The following MIA2 variants were observed in gnomAD, a reference collection of about 807,000 sequenced individuals.
MIA2 encodes MIA SH3 domain ER export factor 2, also known as melanoma inhibitory activity protein 2.
MIA2 carries 127 observed loss-of-function variants against 167.8 expected under a neutral mutation model. That is an observed-to-expected ratio of 0.76 (90% CI 0.66 to 0.88). The LOEUF is 0.88. Ranked by LOEUF, MIA2 falls within the 40% of genes least tolerant of loss-of-function variation. MIA2 has a pLI of 0.00. For missense variants in MIA2, 1,690 were observed against 1,624.7 expected (o/e 1.04, Z -0.69); for synonymous variants, 552 against 541.9 (o/e 1.02, Z -0.26).
At chr14:39,339,964 G>A (rs1013380915) in intron 25 of MIA2, among the ~76,000 whole-genome samples, 1 of 152,066 alleles carries the variant, frequency 6.6e-6, no homozygotes, top group African/African-American at 2.4e-5. Flanking sequence ...TCCTGCTTTA[G>A]CCTCCCAAGT....
intron 17 of MIA2, among the ~76,000 whole-genome samples, chr14:39,306,152 C>T (rs774519892): frequency 6.6e-6 from 1 of 151,634 alleles, no homozygotes; most frequent in Admixed American, 6.6e-5. Context: ...AAGATAGTTA[C>T]GTACAATTTC....
intron 14 of MIA2, among the ~76,000 whole-genome samples, chr14:39,301,039 TACACACACAC>T (rs58641218): frequency 0.29 from 41,955 of 144,906 alleles, 6,196 homozygotes; most frequent in East Asian, 0.43. Flanking sequence ...TACATATACA[TACACACACAC>T]ACACACACAC....
intron 23 of MIA2, among the ~76,000 whole-genome samples, chr14:39,367,537 T>G (rs904132390): frequency 6.6e-6 from 1 of 152,204 alleles, no homozygotes; most frequent in Non-Finnish European, 1.5e-5. Context: ...TGCAGGAGTT[T>G]GCAGTGGGAA....
chr14:39,303,242 G>T (rs528524590), intron 15 of MIA2, among the ~76,000 whole-genome samples: 2 of 152,086 alleles, frequency 1.3e-5, no homozygotes, highest in Non-Finnish European at 2.9e-5. Context: ...TTATAACTCT[G>T]TTCTTGGAGT....
chr14:39,345,944 A>C lies in MIA2; in HGVS notation c.3696A>C (p.Gln1232His). ...ATTCAGCCCTTCCTCCACAAAGGCA[A>C]GACAGATTTTGTTCTAATTCTGGTA... ...YPDSALPPQR[Q>H]DRFCSNSGRL... The change falls in exon 26 of 29, where the codon CAA becomes CAC. Residue 1232 changes from glutamine (Q) to histidine (H), a missense_variant. Coordinates refer to ENST00000640607, the MANE Select transcript of MIA2 (RefSeq NM_001329214.4). 1.2e-6 allele frequency: 2 copies of C among 1,612,366 alleles called. No homozygotes were observed. The highest frequency in any genetic ancestry group is 1.7e-6 in the Non-Finnish European group (2 of 1,179,170).
chr14:39,235,186 C>T (rs2053675922), intron 1 of MIA2, among the ~76,000 whole-genome samples: 1 of 151,944 alleles, frequency 6.6e-6, no homozygotes, highest in African/African-American at 2.4e-5. Context: ...TAGGCGCACG[C>T]CACCACACCT....
In MIA2 at chr14:39,247,216, C is replaced by G. The variant is rs150761357; in HGVS notation, c.642C>G (p.Val214=). ...MEQDRIPEVH[V]PPSSAVSGVK... is the part of the protein sequence containing the mutation. Reference sequence around the variant, plus strand: ...AGGATCGTATTCCAGAAGTGCATGTCCCACCATCTTCAGCTGTGTCTGGAG... The same window carrying G: ...AGGATCGTATTCCAGAAGTGCATGTGCCACCATCTTCAGCTGTGTCTGGAG... The change falls in exon 4 of 29, where the codon GTC becomes GTG. Residue 214 remains valine, a synonymous_variant. Coordinates refer to ENST00000640607, the MANE Select transcript of MIA2 (RefSeq NM_001329214.4). 1 of 1,613,966 alleles carries G rather than the reference C, an allele frequency of 6.2e-7. No homozygotes were observed. The highest frequency in any genetic ancestry group is 8.5e-7 in the Non-Finnish European group (1 of 1,180,034).
chr14:39,360,036 A>G (rs910944938), intron 23 of MIA2, among the ~76,000 whole-genome samples: 2 of 145,516 alleles, frequency 1.4e-5, no homozygotes, highest in East Asian at 2.0e-4. Context: ...CATTCTGGCC[A>G]GACGCAGTGG....
chr14:39,298,542 T>TTG (rs2061854102), intron 13 of MIA2, among the ~76,000 whole-genome samples: 1 of 97,004 alleles, frequency 1.0e-5, no homozygotes, highest in Non-Finnish European at 2.0e-5. Context: ...TTTTTTTTTT[T>TTG]TTTTTTTTTT....
chr14:39,266,982 C>A, intron 6 of MIA2: 1 of 764,256 alleles, frequency 1.3e-6, no homozygotes, highest in Non-Finnish European at 1.6e-6. Flanking sequence ...AGTATGAGGC[C>A]GAATCTCATC....
intron 23 of MIA2, among the ~76,000 whole-genome samples, chr14:39,369,824 A>ATTTTGTTTTG (rs901558943): frequency 1.3e-5 from 2 of 148,532 alleles, no homozygotes; most frequent in Admixed American, 1.3e-4. Flanking sequence ...ACTGAGCATT[A>ATTTTGTTTTG]TTTTGTTTTG....
chr14:39,284,727 A>G (rs1373439960), intron 9 of MIA2, among the ~76,000 whole-genome samples: 2 of 151,240 alleles, frequency 1.3e-5, no homozygotes, highest in Non-Finnish European at 3.0e-5. Context: ...TGCTATGTAA[A>G]TAGGATTGTT....
At chr14:39,329,366 G>A (rs2068282090) in intron 25 of MIA2, among the ~76,000 whole-genome samples, 1 of 152,152 alleles carries the variant, frequency 6.6e-6, no homozygotes, top group Non-Finnish European at 1.5e-5. Context: ...GGGCTGAGAT[G>A]ATGGGGTTTT....
intron 23 of MIA2, among the ~76,000 whole-genome samples, chr14:39,375,823 TA>T (rs1223727619): frequency 6.6e-6 from 1 of 152,250 alleles, no homozygotes; most frequent in African/African-American, 2.4e-5. Flanking sequence ...TAATCTTTCA[TA>T]AGCTCTTGAA....
In MIA2 at chr14:39,247,687, G is replaced by A; in HGVS notation, c.1113G>A (p.Leu371=). ...EKKDTITNDS[L]SLKPSWFDFG... is the part of the protein sequence containing the mutation. Reference sequence around the variant, plus strand: ...AAGACACAATCACTAATGATAGCTTGAGTCTCAAGCCAAGTTGGTTTGATT... The same window carrying A: ...AAGACACAATCACTAATGATAGCTTAAGTCTCAAGCCAAGTTGGTTTGATT... The change falls in exon 4 of 29, where the codon TTG becomes TTA. Residue 371 remains leucine, a synonymous_variant. Coordinates refer to ENST00000640607, the MANE Select transcript of MIA2 (RefSeq NM_001329214.4). 5 of 1,612,010 alleles carry A rather than the reference G, an allele frequency of 3.1e-6. No individual in the cohort carries two copies. The highest frequency in any genetic ancestry group is 1.7e-4 in the Middle Eastern group (1 of 6,040).
chr14:39,339,251 C>T (rs542436146), intron 25 of MIA2, among the ~76,000 whole-genome samples: 61 of 152,084 alleles, frequency 4.0e-4, no homozygotes, highest in Non-Finnish European at 6.8e-4. Flanking sequence ...CCTAACAGCC[C>T]GCGGAAAGGT....
chr14:39,319,110 T>A (rs1290082935), intron 22 of MIA2, 99 bp from the exon 23 acceptor site: 1 of 551,914 alleles, frequency 1.8e-6, no homozygotes, highest in Non-Finnish European at 3.2e-6. Context: ...TGTGTAGATA[T>A]TAAAATAGTG....
At chr14:39,290,371 C>A (rs1270651330) in intron 9 of MIA2, among the ~76,000 whole-genome samples, 1 of 151,772 alleles carries the variant, frequency 6.6e-6, no homozygotes, top group Non-Finnish European at 1.5e-5. Context: ...CTTGTTCTTG[C>A]CAGAAAGGTG....
At chr14:39,337,233 A>C (rs1374211466) in intron 25 of MIA2, among the ~76,000 whole-genome samples, 1 of 152,240 alleles carries the variant, frequency 6.6e-6, no homozygotes, top group Non-Finnish European at 1.5e-5. Context: ...GAGGTCAAGA[A>C]GATATAGCAA....
Sources: gnomAD v4.1 joint callset for allele counts (sites outside exome capture counted in the v4.1 genomes callset) on GRCh38, gnomAD v4.1.1 for gene constraint, MANE v1.5 for transcripts, NCBI Gene and HGNC (gene_info 2026-07-23, HGNC 2026-07-21) for gene names.